Variants in ANO6 observed in about 807,000 individuals in gnomAD.
ANO6 encodes the protein anoctamin-6.
In ANO6, 106 loss-of-function variants were observed where a neutral mutation model predicts 117.5. The ratio of observed to expected loss-of-function variants is 0.90; its 90% CI spans 0.77 to 1.06. The LOEUF (loss-of-function observed/expected upper bound fraction) is 1.06, where lower values mean the gene tolerates loss of function less well. ANO6 is among the 50% of genes least tolerant of loss of function. The probability of loss-of-function intolerance (pLI) is 0.00; values close to 1 mark genes in which losing one functional copy is unlikely to be tolerated. For missense variants in ANO6, 955 were observed against 1,121.1 expected, an observed-to-expected ratio of 0.85 and a Z score of 2.12; for synonymous variants, 367 against 385.1, an observed-to-expected ratio of 0.95 and a Z score of 0.55.
At chr12:45,255,016 C>T (rs1937760939) in intron 1 of ANO6, among the ~76,000 whole-genome samples, 1 of 152,152 alleles carries the variant, frequency 6.6e-6, no homozygotes, top group Non-Finnish European at 1.5e-5. Flanking sequence ...ATATATATCT[C>T]TTACATTATA....
chr12:45,350,083 TGA>T (rs201863170), intron 6 of ANO6, among the ~76,000 whole-genome samples: 2,490 of 152,156 alleles, frequency 0.016, 34 homozygotes, highest in Non-Finnish European at 0.026. Flanking sequence ...AGAAGAAAAA[TGA>T]GTCAGAAAAA....
rs1444695297 is a variant in ANO6 at position 45,432,068 on chromosome 12, A to G, written c.*2757A>G. ...ATGTGTGCCTTGAATTTCATAAAAC[A>G]TTAATTCACAATGGGGGTCAGAATG... On this transcript the variant is annotated 3_prime_UTR_variant, in exon 20 of 20. Transcript: ENST00000320560. 42 of 985,304 alleles carry G rather than the reference A, an allele frequency of 4.3e-5. No homozygotes were observed. The highest frequency in any genetic ancestry group is 4.9e-5 in the Non-Finnish European group (41 of 829,926). The allele number at this position is 985,304 out of a possible 1,614,324, so 61.0% of individuals were successfully genotyped here. A position where few individuals can be genotyped will look rare whatever the true frequency, so the allele number is the denominator to read the frequency against.
In ANO6 at chr12:45,430,456, GTC is replaced by G. The variant is rs1302962166; in HGVS notation, c.*1149_*1150del. On this transcript the variant is annotated 3_prime_UTR_variant, in exon 20 of 20. Transcript: ENST00000320560. The stretch of plus-strand genomic sequence containing the variant: ...ATGCCAAAGTGATCAACACACCAAA[GTC>G]TCTGCCATAAAGAATGTGGCTTCCT... The G allele has an allele frequency of 1.0e-6, 1 of 985,248 alleles. No homozygotes were observed. Among genetic ancestry groups the G allele is most frequent in the Admixed American group, 6.2e-5 (1 of 16,252 alleles). 61.0% of individuals were successfully genotyped at this position (985,248 alleles called of 1,614,324 possible).
At chr12:45,255,818 G>GTTTTTTTTTTTTGTTTTTTTTTTTT (rs1937798307) in intron 1 of ANO6, among the ~76,000 whole-genome samples, 1 of 81,712 alleles carries the variant, frequency 1.2e-5, no homozygotes, top group African/African-American at 4.5e-5. Flanking sequence ...CTCCCTGGGT[G>GTTTTTTTTTTTTGTTTTTTTTTTTT]TTTTTTTTTT....
chr12:45,324,256 A>G (rs1286348517), intron 2 of ANO6, among the ~76,000 whole-genome samples: 1 of 152,134 alleles, frequency 6.6e-6, no homozygotes, highest in Non-Finnish European at 1.5e-5. Context: ...TAAATGAGAC[A>G]TTCATTTTTT....
At chr12:45,420,928 G>A in intron 17 of ANO6, 143 bp from the exon 18 acceptor site, 1 of 835,182 alleles carries the variant, frequency 1.2e-6, no homozygotes. Context: ...AGGAGGCTGA[G>A]GCAGGAGAAT....
chr12:45,423,049 T>C lies in ANO6; in HGVS notation c.2513T>C (p.Ile838Thr), dbSNP rs1053506542. The C allele has an allele frequency of 6.2e-7, 1 of 1,612,276 alleles. No individual in the cohort carries two copies. The highest frequency in any genetic ancestry group is 8.5e-7 in the Non-Finnish European group (1 of 1,178,278). Reference sequence around the variant, plus strand: ...GTGATTGCAGCCAAGCTGGCTTTTATCATTGTCATGGAGGTAGGAAAAGTA... The same window carrying C: ...GTGATTGCAGCCAAGCTGGCTTTTACCATTGTCATGGAGGTAGGAAAAGTA... ...WHVIAAKLAF[I>T]IVMEHVIYSV... Residue 838 changes from isoleucine (I) to threonine (T), a missense_variant, in exon 19 of 20, where the codon ATC (isoleucine) becomes ACC (threonine). Coordinates refer to ENST00000320560, the MANE Select transcript of ANO6 (RefSeq NM_001025356.3).
chr12:45,320,570 T>C (rs1940226597), intron 2 of ANO6, among the ~76,000 whole-genome samples: 1 of 152,220 alleles, frequency 6.6e-6, no homozygotes, highest in Non-Finnish European at 1.5e-5. Flanking sequence ...AGGTGCGGTG[T>C]GGTGCTGAGA....
chr12:45,405,651 G>C (rs1331881656), intron 15 of ANO6, among the ~76,000 whole-genome samples: 3 of 152,096 alleles, frequency 2.0e-5, no homozygotes, highest in Non-Finnish European at 4.4e-5. Context: ...GGTTCACACT[G>C]GTAATCCCAG....
At chr12:45,242,563 C>T (rs541182429) in intron 1 of ANO6, among the ~76,000 whole-genome samples, 1 of 152,246 alleles carries the variant, frequency 6.6e-6, no homozygotes, top group Non-Finnish European at 1.5e-5. Context: ...CTTTGGCTCA[C>T]CCTCTGTGGG....
At chr12:45,346,963 G>A (rs1403730308) in intron 3 of ANO6, 59 bp from the exon 4 acceptor site, 5 of 1,484,390 alleles carry the variant, frequency 3.4e-6, no homozygotes, top group Middle Eastern at 1.7e-4. Flanking sequence ...TTTAAAAAAT[G>A]CCTTTTTCTG....
chr12:45,362,194 T>G (rs1941573732), intron 8 of ANO6, among the ~76,000 whole-genome samples: 1 of 152,108 alleles, frequency 6.6e-6, no homozygotes, highest in South Asian at 2.1e-4. Flanking sequence ...ATTCAAGTTT[T>G]CTATTTTTGC....
At chr12:45,293,734 T>TTTG (rs1939189599) in intron 1 of ANO6, among the ~76,000 whole-genome samples, 1 of 125,382 alleles carries the variant, frequency 8.0e-6, no homozygotes, top group African/African-American at 3.0e-5. Context: ...CTAATGTTTT[T>TTTG]TTTTTTTTTT....
chr12:45,313,545 C>T (rs1054953856), intron 2 of ANO6: 4 of 152,018 alleles, frequency 2.6e-5, no homozygotes, highest in African/African-American at 9.7e-5. Flanking sequence ...TGGCCACAGC[C>T]CTACATTACT....
At chr12:45,350,093 A>G (rs995812630) in intron 6 of ANO6, among the ~76,000 whole-genome samples, 1 of 152,188 alleles carries the variant, frequency 6.6e-6, no homozygotes. Context: ...TGAGTCAGAA[A>G]AAAAGGCAAC....
intron 3 of ANO6, among the ~76,000 whole-genome samples, 171 bp downstream of exon 3, chr12:45,331,594 A>G (rs1940668560): frequency 6.6e-6 from 1 of 152,126 alleles, no homozygotes; most frequent in South Asian, 2.1e-4. Context: ...AACGTTTTTT[A>G]AATATGAATC....
intron 12 of ANO6, among the ~76,000 whole-genome samples, chr12:45,391,150 C>T (rs1013368559): frequency 6.6e-6 from 1 of 151,774 alleles, no homozygotes; most frequent in African/African-American, 2.4e-5. Flanking sequence ...TCTAGGAATA[C>T]CCTTAACAAA....
chr12:45,371,603 T>C (rs1941838376), intron 9 of ANO6, among the ~76,000 whole-genome samples: 1 of 152,022 alleles, frequency 6.6e-6, no homozygotes, highest in Non-Finnish European at 1.5e-5. Context: ...AGGGGCACAC[T>C]GACACCTCAC....
rs1251235319 is a variant in ANO6, at chr12:45,357,520, C to T, written c.998+96C>T. The stretch of plus-strand genomic sequence containing the variant: ...AACTGTTTTGGTAAGACAAGACTGA[C>T]TGCAGAACATTCATTGCTTGGGATG... On this transcript the variant is annotated intron_variant, in intron 8 of 19. Transcript: ENST00000320560. The T allele has an allele frequency of 2.3e-5, 33 of 1,427,360 alleles. No individual in the cohort carries two copies. The African/African-American group carries it at 4.7e-4, about 20-fold the overall frequency. The allele number at this position is 1,427,360 out of a possible 1,614,324, so 88.4% of individuals were successfully genotyped here.
Sources: allele counts gnomAD v4.1 joint callset (sites outside exome capture counted in the v4.1 genomes callset), GRCh38; gene constraint gnomAD v4.1.1; transcripts MANE v1.5; gene names NCBI Gene and HGNC (gene_info 2026-07-23, HGNC 2026-07-21).